The following KYNU variants were observed in gnomAD, a reference collection of about 807,000 sequenced individuals.
KYNU encodes kynureninase, also known as L-kynurenine hydrolase.
KYNU carries 54 observed loss-of-function variants against 59.2 expected under a neutral mutation model. The observed-to-expected ratio is 0.91, with a 90% CI of 0.73 to 1.14. The LOEUF (loss-of-function observed/expected upper bound fraction) is 1.14, where lower values mean the gene tolerates loss of function less well. KYNU is among the 50% of genes most tolerant of loss of function. The probability of loss-of-function intolerance (pLI) is 0.00; values close to 1 mark genes in which losing one functional copy is unlikely to be tolerated. For missense variants in KYNU, 567 were observed against 554.4 expected, an observed-to-expected ratio of 1.02 and a Z score of -0.23; for synonymous variants, 177 against 192.0, an observed-to-expected ratio of 0.92 and a Z score of 0.65.
intron 2 of KYNU, among the ~76,000 whole-genome samples, chr2:142,886,945 C>T (rs967838489): frequency 2.0e-5 from 3 of 152,002 alleles, no homozygotes; most frequent in Non-Finnish European, 2.9e-5. Flanking sequence ...CCGAGGCGGG[C>T]GGGTCACGAG....
Position 142,948,386 on chromosome 2 carries a change from A to G in KYNU, c.374-6424A>G, listed in dbSNP as rs1184993143. On this transcript the variant is annotated intron_variant, in intron 4 of 13. Transcript: ENST00000264170. ...TGACCAGATCACTCAAACTTTCTCC[A>G]TATCAGCAATAAAGCTTGTATTAGT... Among the ~76,000 whole-genome samples, 5 of 152,240 alleles carry G rather than the reference A, an allele frequency of 3.3e-5. No individual in the cohort carries two copies. In the South Asian group the frequency reaches 6.2e-4, roughly 19 times the overall value.
chr2:142,894,964 T>A (rs1681820218), intron 2 of KYNU, among the ~76,000 whole-genome samples: 1 of 152,132 alleles, frequency 6.6e-6, no homozygotes, highest in African/African-American at 2.4e-5. Flanking sequence ...CTGTTCATAC[T>A]TCTATTTAAC....
chr2:142,985,853 G>A, intron 9 of KYNU, 95 bp from the exon 10 acceptor site: 2 of 796,256 alleles, frequency 2.5e-6, no homozygotes, highest in Non-Finnish European at 4.3e-6. Flanking sequence ...CTGATCAAAT[G>A]TTGTGGTTTC....
chr2:142,903,703 G>A (rs1040672288), intron 2 of KYNU, among the ~76,000 whole-genome samples: 13 of 152,342 alleles, frequency 8.5e-5, no homozygotes, highest in African/African-American at 3.1e-4. Flanking sequence ...CCTCAGTCCT[G>A]CTGCTGGATC....
At chr2:143,013,097 G>A (rs1686157650) in intron 10 of KYNU, among the ~76,000 whole-genome samples, 1 of 152,138 alleles carries the variant, frequency 6.6e-6, no homozygotes, top group Non-Finnish European at 1.5e-5. Context: ...CCAGGCTCAA[G>A]TGATCCTCCC....
intron 8 of KYNU, among the ~76,000 whole-genome samples, chr2:142,974,494 A>G (rs922145203): frequency 2.0e-5 from 3 of 152,282 alleles, no homozygotes; most frequent in East Asian, 3.9e-4. Context: ...TTGAGGTCCC[A>G]GTTTTTATTT....
chr2:142,933,499 A>G (rs1457445052), intron 4 of KYNU, among the ~76,000 whole-genome samples: 5 of 152,058 alleles, frequency 3.3e-5, no homozygotes. Context: ...TAGAAAAGAG[A>G]GAGAATTTTT....
chr2:142,918,820 A>T, intron 3 of KYNU, 91 bp downstream of exon 3: 1 of 1,388,086 alleles, frequency 7.2e-7, no homozygotes, highest in African/African-American at 1.4e-5. Flanking sequence ...AAGATGTGTA[A>T]TAGAATCCTA....
chr2:143,032,460 G>A (rs6709790), intron 11 of KYNU, among the ~76,000 whole-genome samples: 97,479 of 151,820 alleles, frequency 0.64, 32,353 homozygotes, highest in Middle Eastern at 0.74. Flanking sequence ...ATGAGATTTG[G>A]GTGGGGACTC....
intron 4 of KYNU, among the ~76,000 whole-genome samples, chr2:142,929,548 C>T (rs866084273): frequency 6.6e-5 from 10 of 152,128 alleles, no homozygotes; most frequent in Middle Eastern, 3.2e-3. Context: ...ACCCAAGGCA[C>T]AGTCTCAAGA....
intron 10 of KYNU, among the ~76,000 whole-genome samples, chr2:142,986,355 G>A (rs887296288): frequency 4.6e-5 from 7 of 151,728 alleles, no homozygotes; most frequent in South Asian, 2.1e-4. Flanking sequence ...GATTCCTCAC[G>A]TTGATGAATA....
intron 8 of KYNU, among the ~76,000 whole-genome samples, chr2:142,984,333 G>A (rs1285731011): frequency 6.6e-6 from 1 of 151,884 alleles, no homozygotes; most frequent in Non-Finnish European, 1.5e-5. Flanking sequence ...TCATGGAAGT[G>A]GATACAAGTT....
chr2:142,953,007 G>A (rs1038479842), intron 4 of KYNU, among the ~76,000 whole-genome samples: 8 of 151,998 alleles, frequency 5.3e-5, no homozygotes, highest in South Asian at 2.1e-4. Context: ...TTTAGATAGT[G>A]TTTGTTTTAG....
chr2:142,966,070 A>G (rs1439075004), intron 8 of KYNU, among the ~76,000 whole-genome samples: 1 of 152,172 alleles, frequency 6.6e-6, no homozygotes, highest in African/African-American at 2.4e-5. Context: ...AGCAAGAGGA[A>G]TCAAGACTGT....
At chr2:142,941,332 CAAATAT>C (rs1339934430) in intron 4 of KYNU, among the ~76,000 whole-genome samples, 14 of 152,148 alleles carry the variant, frequency 9.2e-5, no homozygotes, top group Admixed American at 9.2e-4. Flanking sequence ...GAACAAAAAC[CAAATAT>C]TTCTTGTTAT....
Position 142,927,659 on chromosome 2 carries a change from A to C in KYNU, c.291A>C (p.Ile97=). Residue 97 remains isoleucine, a splice_region_variant and synonymous_variant, in exon 4 of 14, where the codon ATA becomes ATC. Transcript: ENST00000264170. ...TGTTTATGTCCGTTTTCAATTTCAGAGCAGCCTATGGTCATGAAGTGGGGA... is the reference window on the plus strand; with the variant it reads ...TGTTTATGTCCGTTTTCAATTTCAGCGCAGCCTATGGTCATGAAGTGGGGA... ...LEEELDKWAK[I]AAYGHEVGKR... is the part of the protein sequence containing the mutation. 1 of 1,611,828 alleles carries C rather than the reference A, an allele frequency of 6.2e-7. No homozygotes were observed. The highest frequency in any genetic ancestry group is 1.3e-5 in the African/African-American group (1 of 74,982).
chr2:142,949,373 C>T (rs1230768589), intron 4 of KYNU, among the ~76,000 whole-genome samples: 1 of 152,226 alleles, frequency 6.6e-6, no homozygotes, highest in African/African-American at 2.4e-5. Context: ...CCCTTCTGCA[C>T]TGCCCTAGCA....
intron 2 of KYNU, among the ~76,000 whole-genome samples, chr2:142,891,545 T>C (rs1681714510): frequency 6.6e-6 from 1 of 152,192 alleles, no homozygotes; most frequent in Non-Finnish European, 1.5e-5. Flanking sequence ...AACAAGATCT[T>C]TTATAATTTT....
At chr2:142,930,055 G>C (rs1220822652) in intron 4 of KYNU, among the ~76,000 whole-genome samples, 1 of 152,092 alleles carries the variant, frequency 6.6e-6, no homozygotes, top group Non-Finnish European at 1.5e-5. Flanking sequence ...ACATATTTTG[G>C]GGTAAAATAT....
Sources: allele counts gnomAD v4.1 joint callset (sites outside exome capture counted in the v4.1 genomes callset), GRCh38; gene constraint gnomAD v4.1.1; transcripts MANE v1.5; gene names NCBI Gene and HGNC (gene_info 2026-07-23, HGNC 2026-07-21).